Variants in SRGAP3 observed in about 807,000 individuals in gnomAD.
SRGAP3 encodes the protein SLIT-ROBO Rho GTPase activating protein 3.
SRGAP3 carries 39 observed loss-of-function variants against 121.1 expected under a neutral mutation model. The observed-to-expected ratio is 0.32, with a 90% confidence interval of 0.25 to 0.42. The LOEUF is 0.42. Ranked by LOEUF, SRGAP3 falls within the 10% of genes least tolerant of loss-of-function variation. The probability of loss-of-function intolerance (pLI) is 1.00; values close to 1 mark genes in which losing one functional copy is unlikely to be tolerated. For missense variants in SRGAP3, 1,213 were observed against 1,470.6 expected (o/e 0.82, Z 2.86); for synonymous variants, 601 against 570.0 (o/e 1.05, Z -0.77).
At chr3:9,016,755 C>G (rs937435286) in intron 14 of SRGAP3, among the ~76,000 whole-genome samples, 2 of 152,206 alleles carry the variant, frequency 1.3e-5, no homozygotes, top group Non-Finnish European at 2.9e-5. Context: ...AATTGTTCCA[C>G]TGGGGTTGCA....
intron 15 of SRGAP3, among the ~76,000 whole-genome samples, chr3:9,015,046 A>T (rs1428522828): frequency 6.6e-6 from 1 of 152,092 alleles, no homozygotes; most frequent in Non-Finnish European, 1.5e-5. Context: ...CTAACTAGCA[A>T]TGTCAGAGAA....
intron 3 of SRGAP3, among the ~76,000 whole-genome samples, chr3:9,323,563 G>T (rs1955470056): frequency 6.6e-6 from 1 of 151,706 alleles, no homozygotes; most frequent in Admixed American, 6.6e-5. Flanking sequence ...GAAGATTCAG[G>T]TCTAGTAGCA....
intron 19 of SRGAP3, 118 bp downstream of exon 19, chr3:8,994,225 C>T (rs1245676161): frequency 6.2e-6 from 8 of 1,287,042 alleles, no homozygotes; most frequent in African/African-American, 5.8e-5. Context: ...GAAGAACAAG[C>T]GTATGATATC....
intron 1 of SRGAP3, among the ~76,000 whole-genome samples, chr3:9,127,218 T>C (rs1949268814): frequency 1.3e-5 from 2 of 152,070 alleles, no homozygotes; most frequent in South Asian, 4.1e-4. Context: ...GGGCTTGTGT[T>C]CCCAGCTACT....
upstream of SRGAP3, among the ~76,000 whole-genome samples, chr3:9,254,637 T>C (rs962638041): frequency 1.3e-5 from 2 of 151,762 alleles, no homozygotes; most frequent in African/African-American, 2.4e-5. Flanking sequence ...CTACAAAAAA[T>C]AAACAAAAAT....
intron 1 of SRGAP3, among the ~76,000 whole-genome samples, chr3:9,345,675 A>G (rs1294226923): frequency 1.3e-5 from 2 of 149,660 alleles, no homozygotes; most frequent in Admixed American, 6.7e-5. Context: ...AATCCCAGCT[A>G]CCTGGGAGGC....
At position 9,249,423 on chromosome 3, in the gene SRGAP3, C is replaced by A. The variant is rs550008264; in HGVS notation, c.-472G>T. On this transcript the variant is annotated 5_prime_UTR_variant, in exon 1 of 22. An upstream start codon of the reference 5' UTR is lost. Transcript: ENST00000383836. Reference sequence around the variant, plus strand: ...ACTCGCTGGATCACTCACACACACACATCCACGAGAGGCGCGGCGCCTCTT... The same window carrying A: ...ACTCGCTGGATCACTCACACACACAAATCCACGAGAGGCGCGGCGCCTCTT... The A allele has an allele frequency of 1.2e-4, 30 of 254,394 alleles. No homozygotes were observed. Among genetic ancestry groups the A allele is most frequent in the African/African-American group, 6.6e-4 (30 of 45,732 alleles). 15.8% of individuals were successfully genotyped at this position (254,394 alleles called of 1,614,324 possible). A position where few individuals can be genotyped will look rare whatever the true frequency, so the allele number is the denominator to read the frequency against.
chr3:9,019,667 C>T (rs1038683005), intron 14 of SRGAP3, among the ~76,000 whole-genome samples: 1 of 152,242 alleles, frequency 6.6e-6, no homozygotes, highest in Admixed American at 6.5e-5. Flanking sequence ...GAATACATGT[C>T]ACTGCCAGAG....
chr3:9,218,556 A>G lies in SRGAP3; in HGVS notation c.67+30329T>C, dbSNP rs565159996. On this transcript the variant is annotated intron_variant, in intron 1 of 21. Transcript: ENST00000383836. This position sits in a 1 kb window ranked among gnomAD's most constrained non-coding sequence, Gnocchi z 5.3. ...ATCCAGCACAGTTGGCACATCAGGT[A>G]GAAACTATTTCCCACCGCTGATTTA... 3 of 152,380 alleles carry G rather than the reference A, an allele frequency of 2.0e-5. No individual in the cohort carries two copies. The East Asian group carries it at 5.8e-4, about 29-fold the overall frequency. 9.4% of individuals were successfully genotyped at this position (152,380 alleles called of 1,614,324 possible). A position where few individuals can be genotyped will look rare whatever the true frequency, so the allele number is the denominator to read the frequency against.
chr3:9,210,402 G>A (rs1029062796), intron 1 of SRGAP3, among the ~76,000 whole-genome samples: 3 of 151,990 alleles, frequency 2.0e-5, no homozygotes, highest in African/African-American at 7.3e-5. Context: ...CTGGAGTATC[G>A]CTTGAGCCGA....
chr3:9,332,163 C>G (rs990327987), intron 1 of SRGAP3, among the ~76,000 whole-genome samples: 1 of 152,156 alleles, frequency 6.6e-6, no homozygotes, highest in Non-Finnish European at 1.5e-5. Context: ...CTCTGTCACA[C>G]AGGCTGGAGT....
At chr3:9,053,857 T>G (rs1945697892) in intron 8 of SRGAP3, among the ~76,000 whole-genome samples, 1 of 152,242 alleles carries the variant, frequency 6.6e-6, no homozygotes, top group Admixed American at 6.5e-5. Flanking sequence ...GGCCCTGACC[T>G]TACAACACCC....
chr3:9,286,596 TGTC>T (rs1442343742), intron 3 of SRGAP3, among the ~76,000 whole-genome samples: 3 of 152,192 alleles, frequency 2.0e-5, no homozygotes, highest in Non-Finnish European at 4.4e-5. Flanking sequence ...ATTTTGTTTT[TGTC>T]GTTGTTGTTG....
At chr3:9,027,967 T>C (rs551346516) in intron 12 of SRGAP3, 190 of 1,049,354 alleles carry the variant, frequency 1.8e-4, no homozygotes, top group Non-Finnish European at 2.6e-4. Context: ...CTTTCCTTGA[T>C]TGACTGTGCC....
chr3:9,266,178 C>G (rs894087499), intron 3 of SRGAP3, among the ~76,000 whole-genome samples: 9 of 152,100 alleles, frequency 5.9e-5, no homozygotes, highest in African/African-American at 2.2e-4. Context: ...ACAATGAGAA[C>G]ATATGGACAC....
At chr3:9,144,868 T>A (rs2125041659) in intron 1 of SRGAP3, among the ~76,000 whole-genome samples, 1 of 152,320 alleles carries the variant, frequency 6.6e-6, no homozygotes, top group East Asian at 1.9e-4. Flanking sequence ...GTAACTACCC[T>A]ATGGTTTTGC....
At chr3:9,024,672 T>C (rs1944097849) in intron 14 of SRGAP3, among the ~76,000 whole-genome samples, 1 of 152,212 alleles carries the variant, frequency 6.6e-6, no homozygotes, top group African/African-American at 2.4e-5. Flanking sequence ...AAATGGGAAC[T>C]AGGTCACCTC....
intron 1 of SRGAP3, among the ~76,000 whole-genome samples, chr3:9,356,657 G>A (rs1381626788): frequency 6.6e-6 from 1 of 152,044 alleles, no homozygotes; most frequent in African/African-American, 2.4e-5. Flanking sequence ...ACAGGCGTGA[G>A]CCACCACGCT....
chr3:9,053,278 C>T, intron 8 of SRGAP3, 54 bp from the exon 9 acceptor site: 2 of 1,550,248 alleles, frequency 1.3e-6, no homozygotes, highest in Non-Finnish European at 1.8e-6. Context: ...CTGCCGTTGA[C>T]ACCTAAAGTC....
Sources: allele counts gnomAD v4.1 joint callset (sites outside exome capture counted in the v4.1 genomes callset), GRCh38; gene constraint gnomAD v4.1.1; non-coding constraint Gnocchi (gnomAD v3.1); transcripts MANE v1.5; gene names NCBI Gene and HGNC (gene_info 2026-07-23, HGNC 2026-07-21).